The following ZNF462 variants were observed in gnomAD, a reference collection of about 807,000 sequenced individuals.
ZNF462 encodes zinc finger PBX1-interacting protein.
A neutral mutation model predicts 201.9 loss-of-function variants in ZNF462; 10 were observed. That is an observed-to-expected ratio of 0.05 (90% CI 0.03 to 0.08). The LOEUF is 0.08. Among genes scored for constraint, ZNF462 ranks in the 10% least tolerant of loss-of-function variants. The pLI, the probability that ZNF462 is intolerant of heterozygous loss-of-function variation, is 1.00. For synonymous variants in ZNF462, 1,227 were observed against 1,193.3 expected, an observed-to-expected ratio of 1.03 and a Z score of -0.58; for missense variants, 2,523 against 3,168.3, an observed-to-expected ratio of 0.80 and a Z score of 4.89.
rs754190006 is a variant in ZNF462 at position 106,925,950 on chromosome 9, G to A, written c.2038G>A (p.Ala680Thr). 9.3e-6 allele frequency: 15 copies of A among 1,613,982 alleles called. No individual in the cohort carries two copies. Among genetic ancestry groups the A allele is most frequent in the Middle Eastern group, 1.6e-4 (1 of 6,084 alleles). Reference sequence around the variant, plus strand: ...TGTAGCTAAAGCCTCTAGGAAGCTCGCCAATGACTTTCCTCTAGATTTGTC... The same window carrying A: ...TGTAGCTAAAGCCTCTAGGAAGCTCACCAATGACTTTCCTCTAGATTTGTC... ...NFVAKASRKL[A>T]NDFPLDLSPV... Residue 680 changes from alanine (A) to threonine (T), a missense_variant, in exon 3 of 13, where the codon GCC becomes ACC. Transcript: ENST00000277225. The surrounding 1 kb of genome is among the most constrained non-coding windows in gnomAD (Gnocchi z 7.9).
intron 10 of ZNF462, among the ~76,000 whole-genome samples, chr9:106,996,281 T>G (rs1452130967): frequency 6.6e-6 from 1 of 152,210 alleles, no homozygotes; most frequent in African/African-American, 2.4e-5. Flanking sequence ...AACATACGTG[T>G]GCATGTGTCT....
intron 1 of ZNF462, among the ~76,000 whole-genome samples, 171 bp downstream of exon 1, chr9:106,863,526 C>G (rs140880251): frequency 0.01 from 1,321 of 128,906 alleles, 16 homozygotes; most frequent in Non-Finnish European, 0.012. Flanking sequence ...GGAGAAGAAG[C>G]GAGAGAGAAG....
chr9:106,881,058 G>T (rs138916408), intron 1 of ZNF462, among the ~76,000 whole-genome samples: 15 of 152,156 alleles, frequency 9.9e-5, no homozygotes, highest in Non-Finnish European at 1.5e-5. Flanking sequence ...TTCCAGGCAG[G>T]CCTTGGCATG....
rs548102543 is a variant in ZNF462, at chr9:106,870,898, T to C, written c.-31+7543T>C. ...AACACACGCTAAGGCCTCCAAATTT[T>C]GGAATTCTTCTTTTTCCTGTTCAGA... On this transcript the variant is annotated intron_variant, in intron 1 of 12. Transcript: ENST00000277225. This position sits in a 1 kb window ranked among gnomAD's most constrained non-coding sequence, Gnocchi z 4.3. Among the ~76,000 whole-genome samples, 24 of 152,316 alleles carry C rather than the reference T, an allele frequency of 1.6e-4. No individual in the cohort carries two copies. The highest frequency in any genetic ancestry group is 2.5e-4 in the Non-Finnish European group (17 of 68,030).
Position 106,938,804 on chromosome 9 carries a change from T to A in ZNF462, c.6236-112T>A, listed in dbSNP as rs771408212. The A allele has an allele frequency of 6.0e-6, 7 of 1,165,528 alleles. No individual in the cohort carries two copies. The highest frequency in any genetic ancestry group is 2.5e-5 in the Admixed American group (1 of 40,122). The allele number at this position is 1,165,528 out of a possible 1,614,324, so 72.2% of individuals were successfully genotyped here. A position where few individuals can be genotyped will look rare whatever the true frequency, so the allele number is the denominator to read the frequency against. On this transcript the variant is annotated intron_variant, in intron 6 of 12. Coordinates refer to ENST00000277225, the MANE Select transcript of ZNF462 (RefSeq NM_021224.6). This position sits in a 1 kb window ranked among gnomAD's most constrained non-coding sequence, Gnocchi z 4.4. ...GAGGTTCGTTCATAGAACATGAAGC[T>A]TGAGATGCGCTTCTCTAGCATGAGT... is the stretch of plus-strand genomic sequence containing the variant.
rs1827646200 is a variant in ZNF462 at position 106,984,054 on chromosome 9, T to C, written c.6833-132T>C. 2 of 744,428 alleles carry C rather than the reference T, an allele frequency of 2.7e-6. No individual in the cohort carries two copies. The highest frequency in any genetic ancestry group is 5.2e-5 in the East Asian group (2 of 38,230). The allele number at this position is 744,428 out of a possible 1,614,324, so 46.1% of individuals were successfully genotyped here. A position where few individuals can be genotyped will look rare whatever the true frequency, so the allele number is the denominator to read the frequency against. Reference sequence around the variant, plus strand: ...GGTTAGGGGAGGGGCAGGGTGCATGTGTGTCAGTTCAAGGAACCAGATCCA... The same window carrying C: ...GGTTAGGGGAGGGGCAGGGTGCATGCGTGTCAGTTCAAGGAACCAGATCCA... On this transcript the variant is annotated intron_variant, in intron 9 of 12. Coordinates refer to ENST00000277225, the MANE Select transcript of ZNF462 (RefSeq NM_021224.6). The surrounding 1 kb of genome is among the most constrained non-coding windows in gnomAD (Gnocchi z 6.4).
chr9:106,904,888 A>T (rs534159221), intron 1 of ZNF462, among the ~76,000 whole-genome samples: 1 of 152,254 alleles, frequency 6.6e-6, no homozygotes, highest in East Asian at 1.9e-4. Context: ...GATTAGCTTA[A>T]TAACTAACCT....
chr9:106,889,659 C>G (rs1387449294), intron 1 of ZNF462, among the ~76,000 whole-genome samples: 1 of 152,142 alleles, frequency 6.6e-6, no homozygotes, highest in Non-Finnish European at 1.5e-5. Flanking sequence ...CATTTAAATA[C>G]TTACTGAGCA....
chr9:106,873,708 A>G (rs1827701306), intron 1 of ZNF462, among the ~76,000 whole-genome samples: 1 of 152,188 alleles, frequency 6.6e-6, no homozygotes, highest in African/African-American at 2.4e-5. Context: ...CTGTCTCTGA[A>G]ACATCACAAG....
intron 1 of ZNF462, among the ~76,000 whole-genome samples, chr9:106,901,405 T>C (rs1482205941): frequency 6.6e-6 from 1 of 152,166 alleles, no homozygotes; most frequent in Non-Finnish European, 1.5e-5. Flanking sequence ...GTGGGCTATT[T>C]TTTGGTTCCA....
chr9:106,967,274 C>G (rs1208530747), intron 7 of ZNF462, among the ~76,000 whole-genome samples: 1 of 152,064 alleles, frequency 6.6e-6, no homozygotes, highest in African/African-American at 2.4e-5. Flanking sequence ...TTTGGATCCC[C>G]AGAGCCAGCA....
chr9:106,875,592 A>G (rs1262791320), intron 1 of ZNF462, among the ~76,000 whole-genome samples: 2 of 152,158 alleles, frequency 1.3e-5, no homozygotes, highest in African/African-American at 2.4e-5. Context: ...AAATTATGAA[A>G]TTTGCTGCCA....
At position 106,970,823 on chromosome 9, in the gene ZNF462, CT is replaced by C. The variant is rs5899721; in HGVS notation, c.6428-1174del. 9.7e-3 allele frequency among the ~76,000 whole-genome samples: 1,393 copies of C among 144,020 alleles called. 20 individuals carry two copies. The highest frequency in any genetic ancestry group is 0.033 in the African/African-American group (1,187 of 35,682). 94.5% of individuals were successfully genotyped at this position (144,020 alleles called of 152,430 possible). A position where few individuals can be genotyped will look rare whatever the true frequency, so the allele number is the denominator to read the frequency against. ...CAACCCCTTTATTTATTTATTTTTA[CT>C]TTTTTTTCTCTTCTTTTTTTTTAAT... On this transcript the variant is annotated intron_variant, in intron 7 of 12. Coordinates refer to ENST00000277225, the MANE Select transcript of ZNF462 (RefSeq NM_021224.6). The surrounding 1 kb of genome is among the most constrained non-coding windows in gnomAD (Gnocchi z 4.2).
At position 106,926,206 on chromosome 9, in the gene ZNF462, C is replaced by G; in HGVS notation, c.2294C>G (p.Thr765Ser). The change falls in exon 3 of 13, where the codon ACC (threonine) becomes AGC (serine). Residue 765 changes from threonine to serine, a missense_variant. Thr to Ser is a moderately conservative substitution (Grantham distance 58). Transcript: ENST00000277225. This position sits in a 1 kb window ranked among gnomAD's most constrained non-coding sequence, Gnocchi z 7.9. Reference sequence around the variant, plus strand: ...GCCCAACAGATATGGGTAAGAGATACCAGTGAGCCCCAGAAAGAGCCCAAC... The same window carrying G: ...GCCCAACAGATATGGGTAAGAGATAGCAGTGAGCCCCAGAAAGAGCCCAAC... ...FSAQQIWVRD[T>S]SEPQKEPNFR... 1 of 1,614,142 alleles carries G rather than the reference C, an allele frequency of 6.2e-7. No individual in the cohort carries two copies.
intron 9 of ZNF462, chr9:106,976,046 T>C (rs553637605): frequency 2.1e-4 from 32 of 152,364 alleles, no homozygotes; most frequent in Middle Eastern, 3.4e-3. Flanking sequence ...AATGTACTTA[T>C]TTGCCATCTA....
At position 107,010,876 on chromosome 9, in the gene ZNF462, T is replaced by C. The variant is rs1244442005; in HGVS notation, c.7367T>C (p.Ile2456Thr). Residue 2456 changes from isoleucine (I) to threonine (T), a missense_variant, in exon 13 of 13, where the codon ATC becomes ACC. This residue lies in a region of ZNF462 where 67 missense variants were observed against 63.2 expected (regional missense o/e 1.06). Transcript: ENST00000277225. The surrounding 1 kb of genome is among the most constrained non-coding windows in gnomAD (Gnocchi z 4.6). ...VSREEIHPKEIMENSVKMPSI... is the reference protein window; with the variant it reads ...VSREEIHPKETMENSVKMPSI... Reference sequence around the variant, plus strand: ...AGAGAAGAAATCCACCCAAAAGAGATCATGGAGAACAGTGTTAAAATGCCC... The same window carrying C: ...AGAGAAGAAATCCACCCAAAAGAGACCATGGAGAACAGTGTTAAAATGCCC... 2 of 1,613,430 alleles carry C rather than the reference T, an allele frequency of 1.2e-6. No individual in the cohort carries two copies. Among genetic ancestry groups the C allele is most frequent in the Non-Finnish European group, 1.7e-6 (2 of 1,179,734 alleles).
chr9:107,000,537 G>A (rs186757450), intron 10 of ZNF462, among the ~76,000 whole-genome samples: 36 of 152,156 alleles, frequency 2.4e-4, no homozygotes, highest in African/African-American at 4.3e-4. Flanking sequence ...TTCAAATACC[G>A]TCATAACCCA....
rs548959476 is a variant in ZNF462 at position 107,004,497 on chromosome 9, G to A, written c.7189+1071G>A. On this transcript the variant is annotated intron_variant, in intron 11 of 12. Coordinates refer to ENST00000277225, the MANE Select transcript of ZNF462 (RefSeq NM_021224.6). Reference sequence around the variant, plus strand: ...CATCATCTGTGAAATAATCACAATCGTAATAATGAGAATAATATCACCTCC... The same window carrying A: ...CATCATCTGTGAAATAATCACAATCATAATAATGAGAATAATATCACCTCC... 5.3e-5 allele frequency among the ~76,000 whole-genome samples: 8 copies of A among 152,118 alleles called. No homozygotes were observed. The South Asian group carries it at 1.2e-3, about 24-fold the overall frequency.
Position 106,978,254 on chromosome 9 carries a change from A to G in ZNF462, c.6832+3981A>G, listed in dbSNP as rs1309856671. Reference sequence around the variant, plus strand: ...TTCAACCCACTACACGAGGGAAGAGACAATTTAATAAACCACTGAGGTCGG... The same window carrying G: ...TTCAACCCACTACACGAGGGAAGAGGCAATTTAATAAACCACTGAGGTCGG... On this transcript the variant is annotated intron_variant, in intron 9 of 12. Coordinates refer to ENST00000277225, the MANE Select transcript of ZNF462 (RefSeq NM_021224.6). This position sits in a 1 kb window ranked among gnomAD's most constrained non-coding sequence, Gnocchi z 4.1. Among the ~76,000 whole-genome samples, 3 of 151,582 alleles carry G rather than the reference A, an allele frequency of 2.0e-5. No homozygotes were observed. The highest frequency in any genetic ancestry group is 7.3e-5 in the African/African-American group (3 of 40,838).
Sources: gnomAD v4.1 joint callset for allele counts (sites outside exome capture counted in the v4.1 genomes callset) on GRCh38, gnomAD v4.1.1 for gene constraint, gnomAD v4.1.1 regional missense constraint, Gnocchi (gnomAD v3.1) non-coding constraint, MANE v1.5 for transcripts, NCBI Gene and HGNC (gene_info 2026-07-23, HGNC 2026-07-21) for gene names.